Variants in FMNL2 observed in about 807,000 individuals in gnomAD.
The protein encoded by FMNL2 is formin-like protein 2.
A neutral mutation model predicts 130.2 loss-of-function variants in FMNL2; 51 were observed. The ratio of observed to expected loss-of-function variants is 0.39; its 90% CI spans 0.31 to 0.49. The LOEUF is 0.49. Ranked by LOEUF, FMNL2 falls within the 20% of genes least tolerant of loss-of-function variation. FMNL2 has a pLI of 0.85. For synonymous variants in FMNL2, 465 were observed against 467.1 expected, an observed-to-expected ratio of 1.00 and a Z score of 0.06; for missense variants, 977 against 1,316.2, an observed-to-expected ratio of 0.74 and a Z score of 3.99.
In FMNL2 at chr2:152,536,703, C is replaced by T. The variant is rs189949763; in HGVS notation, c.202-6036C>T. 1.1e-3 allele frequency among the ~76,000 whole-genome samples: 169 copies of T among 152,246 alleles called. 2 individuals are homozygous for T. In the East Asian group the frequency reaches 0.022, roughly 20 times the overall value. On this transcript the variant is annotated intron_variant, in intron 2 of 25. Transcript: ENST00000288670. Reference sequence around the variant, plus strand: ...CCAGTGACTGTGTGGCTATACCAAACGGGAGAGAAACTCAACAGTGTGTGC... The same window carrying T: ...CCAGTGACTGTGTGGCTATACCAAATGGGAGAGAAACTCAACAGTGTGTGC...
At chr2:152,442,449 A>G (rs1004725772) in intron 1 of FMNL2, among the ~76,000 whole-genome samples, 2 of 151,856 alleles carry the variant, frequency 1.3e-5, no homozygotes, top group African/African-American at 2.4e-5. Context: ...ATGTTTCACC[A>G]TGTTGTCCAG....
chr2:152,429,215 CAAA>C lies in FMNL2; in HGVS notation c.118-92711_118-92709del, dbSNP rs3047928. Among the ~76,000 whole-genome samples, 325 of 95,764 alleles carry C rather than the reference CAAA, an allele frequency of 3.4e-3. 2 individuals are homozygous for C. Among genetic ancestry groups the C allele is most frequent in the East Asian group, 9.4e-3 (34 of 3,620 alleles). 62.8% of individuals were successfully genotyped at this position (95,764 alleles called of 152,430 possible). A position where few individuals can be genotyped will look rare whatever the true frequency, so the allele number is the denominator to read the frequency against. On this transcript the variant is annotated intron_variant, in intron 1 of 25. Coordinates refer to ENST00000288670, the MANE Select transcript of FMNL2 (RefSeq NM_052905.4). ...GAAATTTAAAAAAGCCTTAGAGGAA[CAAA>C]AAAAAAAAAAAAAAAAGAAAGAAAA...
chr2:152,588,180 G>C (rs191197632), intron 9 of FMNL2, among the ~76,000 whole-genome samples: 2 of 152,214 alleles, frequency 1.3e-5, no homozygotes, highest in African/African-American at 2.4e-5. Flanking sequence ...GTATAGGGTG[G>C]TAATCTCTGA....
intron 1 of FMNL2, among the ~76,000 whole-genome samples, chr2:152,378,576 A>T (rs777356294): frequency 2.0e-5 from 3 of 152,200 alleles, no homozygotes; most frequent in African/African-American, 7.2e-5. Context: ...AATCAGAAGA[A>T]CTAATGTTTA....
intron 6 of FMNL2, among the ~76,000 whole-genome samples, chr2:152,571,974 T>C (rs1159446883): frequency 6.6e-6 from 1 of 152,192 alleles, no homozygotes; most frequent in Non-Finnish European, 1.5e-5. Flanking sequence ...TAGCCTCATC[T>C]TTTTTTCTGT....
chr2:152,564,781 T>TTG (rs1553477812), intron 6 of FMNL2, among the ~76,000 whole-genome samples: 1 of 134,454 alleles, frequency 7.4e-6, no homozygotes, highest in Non-Finnish European at 1.6e-5. Context: ...GGTTGGTTTT[T>TTG]TTTTTTTTTT....
At chr2:152,449,510 G>A (rs1248536935) in intron 1 of FMNL2, among the ~76,000 whole-genome samples, 8 of 152,088 alleles carry the variant, frequency 5.3e-5, no homozygotes, top group Non-Finnish European at 1.2e-4. Context: ...GGGAAGCACC[G>A]GTCAAGGTTC....
At position 152,353,153 on chromosome 2, in the gene FMNL2, A is replaced by G. The variant is rs148110805; in HGVS notation, c.117+17433A>G. 3.2e-3 allele frequency among the ~76,000 whole-genome samples: 489 copies of G among 152,346 alleles called. 3 individuals carry two copies. Among genetic ancestry groups the G allele is most frequent in the African/African-American group, 0.011 (470 of 41,582 alleles). Reference sequence around the variant, plus strand: ...TGAAGATTATAGGATATTTAAAGGCATTTATCATACATATATGTGTTATGT... The same window carrying G: ...TGAAGATTATAGGATATTTAAAGGCGTTTATCATACATATATGTGTTATGT... On this transcript the variant is annotated intron_variant, in intron 1 of 25. Coordinates refer to ENST00000288670, the MANE Select transcript of FMNL2 (RefSeq NM_052905.4).
chr2:152,460,744 G>A (rs764405039), intron 1 of FMNL2, among the ~76,000 whole-genome samples: 3 of 152,138 alleles, frequency 2.0e-5, no homozygotes, highest in Admixed American at 6.6e-5. Flanking sequence ...TGAACTGCAC[G>A]TGTGAGGGAT....
At chr2:152,590,506 C>T (rs941184128) in intron 9 of FMNL2, among the ~76,000 whole-genome samples, 5 of 151,800 alleles carry the variant, frequency 3.3e-5, no homozygotes, top group African/African-American at 1.2e-4. Flanking sequence ...CCCAGCTACT[C>T]GGGAGGCTGA....
intron 1 of FMNL2, among the ~76,000 whole-genome samples, chr2:152,451,309 C>T (rs755874775): frequency 4.1e-4 from 63 of 152,004 alleles, no homozygotes; most frequent in African/African-American, 1.2e-3. Flanking sequence ...CCACTATGCC[C>T]GGCTAATTTT....
intron 1 of FMNL2, among the ~76,000 whole-genome samples, chr2:152,433,592 C>T (rs1389966495): frequency 6.6e-6 from 1 of 152,150 alleles, no homozygotes; most frequent in Admixed American, 6.6e-5. Flanking sequence ...TGTAAAGTTG[C>T]ATGCCCCTGG....
chr2:152,485,158 C>T (rs189142227), intron 1 of FMNL2, among the ~76,000 whole-genome samples: 3 of 152,146 alleles, frequency 2.0e-5, no homozygotes. Context: ...TCATTCTGGG[C>T]AACACAGTGA....
intron 9 of FMNL2, among the ~76,000 whole-genome samples, chr2:152,596,444 G>C (rs969806115): frequency 1.5e-4 from 23 of 152,078 alleles, no homozygotes; most frequent in African/African-American, 5.1e-4. Context: ...CCATTTATTT[G>C]CTTCTTTAGA....
intron 1 of FMNL2, among the ~76,000 whole-genome samples, chr2:152,441,477 A>G (rs13003885): frequency 0.014 from 2,077 of 152,128 alleles, 35 homozygotes; most frequent in East Asian, 0.066. Flanking sequence ...TTGAGGCTGC[A>G]GTAGGCTATA....
chr2:152,490,738 A>G (rs1175997827), intron 1 of FMNL2, among the ~76,000 whole-genome samples: 1 of 144,736 alleles, frequency 6.9e-6, no homozygotes, highest in East Asian at 2.0e-4. Flanking sequence ...AGTTTAAGGA[A>G]AAAAAAAAAA....
At chr2:152,342,579 A>T (rs1681873602) in intron 1 of FMNL2, among the ~76,000 whole-genome samples, 1 of 152,210 alleles carries the variant, frequency 6.6e-6, no homozygotes, top group African/African-American at 2.4e-5. Flanking sequence ...GGGGACAGAG[A>T]TAGCTCATTG....
At position 152,335,402 on chromosome 2, in the gene FMNL2, A is replaced by C; in HGVS notation, c.-202A>C. The C allele has an allele frequency of 3.4e-6, 1 of 294,060 alleles. No homozygotes were observed. The highest frequency in any genetic ancestry group is 6.0e-5 in the East Asian group (1 of 16,660). The allele number at this position is 294,060 out of a possible 1,614,324, so 18.2% of individuals were successfully genotyped here. A position where few individuals can be genotyped will look rare whatever the true frequency, so the allele number is the denominator to read the frequency against. The stretch of plus-strand genomic sequence containing the variant: ...CCGGGGCCGCGCTGGGGCGGCGGAG[A>C]GCATGAGGGAGGCCGGGGGGCGGCT... On this transcript the variant is annotated 5_prime_UTR_variant, in exon 1 of 26. Transcript: ENST00000288670.
intron 1 of FMNL2, among the ~76,000 whole-genome samples, chr2:152,398,460 G>A (rs1031528648): frequency 6.6e-6 from 1 of 152,156 alleles, no homozygotes; most frequent in East Asian, 1.9e-4. Context: ...AGAAATGTTT[G>A]TTTCTTTTCT....
Sources: allele counts gnomAD v4.1 joint callset (sites outside exome capture counted in the v4.1 genomes callset), GRCh38; gene constraint gnomAD v4.1.1; transcripts MANE v1.5; gene names NCBI Gene and HGNC (gene_info 2026-07-23, HGNC 2026-07-21).